Variants in INTS7 observed in about 807,000 individuals in gnomAD.
INTS7 encodes integrator complex subunit 7, also known as chromosome 1 open reading frame 73.
Under a neutral mutation model 109.2 loss-of-function variants are expected in INTS7, and 46 were observed. That is an observed-to-expected ratio of 0.42 (90% confidence interval 0.33 to 0.54). The LOEUF (loss-of-function observed/expected upper bound fraction) is 0.54, where lower values mean the gene tolerates loss of function less well. Among genes scored for constraint, INTS7 ranks in the 20% least tolerant of loss-of-function variants. The probability of loss-of-function intolerance (pLI) is 0.07; values close to 1 mark genes in which losing one functional copy is unlikely to be tolerated. For synonymous variants in INTS7, 412 were observed against 402.9 expected (o/e 1.02, Z -0.27); for missense variants, 929 against 1,132.4 (o/e 0.82, Z 2.58).
At chr1:212,012,474 G>A (rs3009990) in intron 4 of INTS7, among the ~76,000 whole-genome samples, 6,577 of 152,182 alleles carry the variant, frequency 0.043, 191 homozygotes, top group African/African-American at 0.074. Context: ...AGTCTTGTCA[G>A]CTGGCCACAG....
intron 17 of INTS7, among the ~76,000 whole-genome samples, chr1:211,947,876 G>A (rs1035893635): frequency 6.6e-6 from 1 of 152,182 alleles, no homozygotes; most frequent in Admixed American, 6.5e-5. Flanking sequence ...AAACAAGCTA[G>A]CCAGGTAAAC....
intron 7 of INTS7, among the ~76,000 whole-genome samples, chr1:212,004,130 A>T (rs1665798115): frequency 6.6e-6 from 1 of 152,214 alleles, no homozygotes; most frequent in African/African-American, 2.4e-5. Flanking sequence ...GGATTGCTTG[A>T]GGTCAAGAGT....
chr1:211,971,625 A>T (rs1664172610), intron 13 of INTS7, among the ~76,000 whole-genome samples: 1 of 152,206 alleles, frequency 6.6e-6, no homozygotes. Context: ...TGTTGAAATT[A>T]CAAAGAAAGG....
At chr1:212,010,207 A>G (rs1237552861) in intron 5 of INTS7, among the ~76,000 whole-genome samples, 1 of 152,220 alleles carries the variant, frequency 6.6e-6, no homozygotes, top group Non-Finnish European at 1.5e-5. Context: ...AATGCTCTTT[A>G]TAAGAATATA....
intron 7 of INTS7, among the ~76,000 whole-genome samples, chr1:211,991,567 T>A (rs1402452354): frequency 6.6e-6 from 1 of 152,234 alleles, no homozygotes; most frequent in African/African-American, 2.4e-5. Context: ...TGTGTTGGCA[T>A]TTAAAAAACT....
chr1:211,967,821 G>T, intron 15 of INTS7, 57 bp downstream of exon 15: 2 of 866,268 alleles, frequency 2.3e-6, no homozygotes, highest in Non-Finnish European at 3.8e-6. Context: ...GAGGTAGTCC[G>T]TATTTAAAAG....
In INTS7 at chr1:212,017,109, CA is replaced by C. The variant is rs528053957; in HGVS notation, c.372-87del. ...AAGAGGCAAGGCAAAGTCAGATTATCAAAACTAAAGTTTATAGGTAATTCTA... is the reference window on the plus strand; with the variant it reads ...AAGAGGCAAGGCAAAGTCAGATTATCAAACTAAAGTTTATAGGTAATTCTA... On this transcript the variant is annotated intron_variant, in intron 3 of 19. Coordinates refer to ENST00000366994, the MANE Select transcript of INTS7 (RefSeq NM_015434.4). 4,277 of 1,087,320 alleles carry C rather than the reference CA, an allele frequency of 3.9e-3. 15 individuals are homozygous for C. Among genetic ancestry groups the C allele is most frequent in the Non-Finnish European group, 4.5e-3 (3,470 of 773,728 alleles). 67.4% of individuals were successfully genotyped at this position (1,087,320 alleles called of 1,614,324 possible).
rs570330060 is a variant in INTS7, at chr1:212,027,744, C to G, written c.95-6532G>C. Among the ~76,000 whole-genome samples the G allele has an allele frequency of 3.3e-5, 5 of 152,318 alleles. No individual in the cohort carries two copies. The East Asian group carries it at 9.6e-4, about 29-fold the overall frequency. On this transcript the variant is annotated intron_variant, in intron 1 of 19. Transcript: ENST00000366994. Reference sequence around the variant, plus strand: ...GCTAAGTTTTTGAAAAATATCTATGCTATGGGTTTTACTCCAAACCTACTA... The same window carrying G: ...GCTAAGTTTTTGAAAAATATCTATGGTATGGGTTTTACTCCAAACCTACTA...
At chr1:211,978,935 T>C (rs142825094) in intron 10 of INTS7, among the ~76,000 whole-genome samples, 13 of 152,230 alleles carry the variant, frequency 8.5e-5, no homozygotes, top group Non-Finnish European at 1.5e-4. Flanking sequence ...AACATACGTG[T>C]GTGTGTGTGT....
At chr1:211,944,048 T>C (rs1662742211) in intron 19 of INTS7, among the ~76,000 whole-genome samples, 1 of 152,226 alleles carries the variant, frequency 6.6e-6, no homozygotes, top group Non-Finnish European at 1.5e-5. Context: ...ATATCCTGAG[T>C]TCCCAAGGCA....
chr1:211,962,387 G>A (rs1163889682), intron 16 of INTS7, among the ~76,000 whole-genome samples: 5 of 151,758 alleles, frequency 3.3e-5, no homozygotes, highest in Non-Finnish European at 7.4e-5. Flanking sequence ...CATAAAGCAA[G>A]TGCTTAGAGA....
intron 18 of INTS7, among the ~76,000 whole-genome samples, chr1:211,945,803 A>G (rs2102378853): frequency 6.6e-6 from 1 of 152,388 alleles, no homozygotes; most frequent in East Asian, 1.9e-4. Flanking sequence ...TTTCTGAATC[A>G]AAAATAGCTT....
rs1217387602 is a variant in INTS7 at position 212,021,063 on chromosome 1, G to A, written c.224+20C>T. The A allele has an allele frequency of 6.3e-6, 10 of 1,584,738 alleles. No homozygotes were observed. The highest frequency in any genetic ancestry group is 1.2e-5 in the South Asian group (1 of 85,798). On this transcript the variant is annotated intron_variant, in intron 2 of 19. Coordinates refer to ENST00000366994, the MANE Select transcript of INTS7 (RefSeq NM_015434.4). The stretch of plus-strand genomic sequence containing the variant: ...TATGAACAAAGTACTTTAGGACATC[G>A]AGAATTTAAAAAGACTTACCCAACT...
chr1:212,008,612 T>C (rs1007791031), intron 5 of INTS7, among the ~76,000 whole-genome samples: 1 of 152,154 alleles, frequency 6.6e-6, no homozygotes, highest in African/African-American at 2.4e-5. Context: ...GTCAGACGCA[T>C]GTATCTCATT....
chr1:211,956,237 A>C (rs1663355813), intron 16 of INTS7, among the ~76,000 whole-genome samples: 1 of 152,196 alleles, frequency 6.6e-6, no homozygotes, highest in South Asian at 2.1e-4. Context: ...TGGACTCTTA[A>C]TCCTACCCTT....
chr1:211,952,398 T>C, intron 17 of INTS7, 171 bp downstream of exon 17: 4 of 520,954 alleles, frequency 7.7e-6, no homozygotes, highest in Non-Finnish European at 1.3e-5. Flanking sequence ...TTTCATGGAT[T>C]ATCTCATTTA....
Position 212,000,191 on chromosome 1 carries a change from A to T in INTS7, c.879+6448T>A, listed in dbSNP as rs1216966042. Reference sequence around the variant, plus strand: ...AAGATAAAAAAAATTTTTAAATCAAAGCTATTAGAAGTTATAAAGACTCTT... The same window carrying T: ...AAGATAAAAAAAATTTTTAAATCAATGCTATTAGAAGTTATAAAGACTCTT... On this transcript the variant is annotated intron_variant, in intron 7 of 19. Coordinates refer to ENST00000366994, the MANE Select transcript of INTS7 (RefSeq NM_015434.4). Among the ~76,000 whole-genome samples the T allele has an allele frequency of 2.0e-5, 3 of 152,192 alleles. No homozygotes were observed. The South Asian group carries it at 6.2e-4, about 31-fold the overall frequency.
intron 14 of INTS7, 91 bp from the exon 15 acceptor site, chr1:211,968,072 C>T: frequency 1.6e-6 from 1 of 621,422 alleles, no homozygotes; most frequent in Non-Finnish European, 2.7e-6. Context: ...CACCTTCAAA[C>T]AATAACAATT....
At chr1:211,955,080 T>C (rs924994455) in intron 16 of INTS7, among the ~76,000 whole-genome samples, 16 of 152,212 alleles carry the variant, frequency 1.1e-4, no homozygotes, top group African/African-American at 3.9e-4. Context: ...GAGCAATGGT[T>C]TGTAGTTCTC....
Sources: gnomAD v4.1 joint callset for allele counts (sites outside exome capture counted in the v4.1 genomes callset) on GRCh38, gnomAD v4.1.1 for gene constraint, MANE v1.5 for transcripts, NCBI Gene and HGNC (gene_info 2026-07-23, HGNC 2026-07-21) for gene names.